WDPCP: variants seen among roughly 807,000 people sequenced by gnomAD.
WDPCP encodes the protein WD repeat containing planar cell polarity effector.
In WDPCP, 71 loss-of-function variants were observed where a neutral mutation model predicts 93.1. The observed-to-expected ratio is 0.76, with a 90% CI of 0.63 to 0.93. The LOEUF is 0.93. WDPCP is among the 40% of genes least tolerant of loss of function. WDPCP has a pLI of 0.00. For synonymous variants in WDPCP, 315 were observed against 315.0 expected (o/e 1.00, Z 0.00); for missense variants, 844 against 887.4 (o/e 0.95, Z 0.62).
intron 1 of WDPCP, among the ~76,000 whole-genome samples, chr2:63,587,569 A>T (rs1320839668): frequency 6.6e-6 from 1 of 152,254 alleles, no homozygotes; most frequent in Non-Finnish European, 1.5e-5. Flanking sequence ...GTTATCTAAT[A>T]GAGATGTTTT....
intron 10 of WDPCP, among the ~76,000 whole-genome samples, chr2:63,391,149 C>A (rs972285613): frequency 3.9e-5 from 6 of 152,210 alleles, no homozygotes; most frequent in African/African-American, 1.4e-4. Context: ...CAATAAAACA[C>A]TGGCAAACCG....
chr2:63,513,986 G>A (rs1003548363), intron 1 of WDPCP, among the ~76,000 whole-genome samples: 2 of 151,876 alleles, frequency 1.3e-5, no homozygotes, highest in African/African-American at 2.4e-5. Context: ...TATAATGGGT[G>A]AGGAAAAGTA....
At chr2:63,475,689 C>G (rs910177685) in intron 6 of WDPCP, among the ~76,000 whole-genome samples, 3 of 152,012 alleles carry the variant, frequency 2.0e-5, no homozygotes, top group Non-Finnish European at 4.4e-5. Flanking sequence ...TAAGTTAAGG[C>G]TTTTTCAGGC....
intron 13 of WDPCP, among the ~76,000 whole-genome samples, chr2:63,271,721 G>A (rs1490085789): frequency 1.3e-5 from 2 of 152,128 alleles, no homozygotes; most frequent in African/African-American, 4.8e-5. Context: ...CACCATTTGA[G>A]GACGTGGGGA....
intron 12 of WDPCP, among the ~76,000 whole-genome samples, chr2:63,351,166 G>A (rs1322469259): frequency 6.6e-6 from 1 of 151,998 alleles, no homozygotes; most frequent in Non-Finnish European, 1.5e-5. Flanking sequence ...ATTTTTAGTA[G>A]AGATGGGGTT....
chr2:63,227,324 T>G (rs1461838266), intron 14 of WDPCP, among the ~76,000 whole-genome samples: 1 of 151,970 alleles, frequency 6.6e-6, no homozygotes, highest in Admixed American at 6.6e-5. Flanking sequence ...ACATTAGTAT[T>G]AAAACCTGTC....
chr2:63,791,561 C>T (rs1013985161), intron 2 of WDPCP, among the ~76,000 whole-genome samples: 2 of 152,070 alleles, frequency 1.3e-5, no homozygotes, highest in Non-Finnish European at 1.5e-5. Flanking sequence ...TATCTTAGAG[C>T]ACTGCTTACT....
chr2:63,444,555 A>T lies in WDPCP; in HGVS notation c.385-4684T>A, dbSNP rs569397497. On this transcript the variant is annotated intron_variant, in intron 6 of 17. Transcript: ENST00000272321. The stretch of plus-strand genomic sequence containing the variant: ...GGTCTATGTAAGATTTGGTAGGACA[A>T]AAAGGAAAAAGAGCACCAAGACAGT... 3.3e-5 allele frequency among the ~76,000 whole-genome samples: 5 copies of T among 152,310 alleles called. No homozygotes were observed. The East Asian group carries it at 9.7e-4, about 29-fold the overall frequency.
chr2:63,227,207 C>G (rs1678363853), intron 14 of WDPCP, among the ~76,000 whole-genome samples: 1 of 151,850 alleles, frequency 6.6e-6, no homozygotes, highest in East Asian at 1.9e-4. Context: ...TTTAAAATGC[C>G]CACTGAATGA....
At chr2:63,533,990 G>C (rs1451626421) in intron 1 of WDPCP, among the ~76,000 whole-genome samples, 1 of 148,436 alleles carries the variant, frequency 6.7e-6, no homozygotes, top group Non-Finnish European at 1.5e-5. Flanking sequence ...AGAAAAGACA[G>C]GAGAATCAAA....
At chr2:63,690,183 G>GC (rs1668870088) in intron 2 of WDPCP, among the ~76,000 whole-genome samples, 1 of 152,174 alleles carries the variant, frequency 6.6e-6, no homozygotes, top group African/African-American at 2.4e-5. Flanking sequence ...CTTCTAACAG[G>GC]TTATTTTAAT....
At chr2:63,723,683 T>C (rs983470367) in intron 2 of WDPCP, among the ~76,000 whole-genome samples, 1 of 152,152 alleles carries the variant, frequency 6.6e-6, no homozygotes, top group African/African-American at 2.4e-5. Flanking sequence ...TGCTGATGAG[T>C]GACACCTCTG....
At chr2:63,761,569 GT>G (rs143518906) in intron 2 of WDPCP, among the ~76,000 whole-genome samples, 1,946 of 152,236 alleles carry the variant, frequency 0.013, 46 homozygotes, top group African/African-American at 0.045. Context: ...GCCAGTCCAA[GT>G]GCCAAAACTG....
At chr2:63,276,907 T>G (rs1409505915) in intron 13 of WDPCP, among the ~76,000 whole-genome samples, 1 of 152,152 alleles carries the variant, frequency 6.6e-6, no homozygotes, top group Non-Finnish European at 1.5e-5. Flanking sequence ...AAAAAGATCA[T>G]TGTTTAGGCA....
At chr2:63,577,007 T>C (rs1017598728) in intron 1 of WDPCP, among the ~76,000 whole-genome samples, 3 of 152,212 alleles carry the variant, frequency 2.0e-5, no homozygotes, top group African/African-American at 4.8e-5. Context: ...GTTTCAAACA[T>C]TCTGAATGTA....
At chr2:63,723,874 G>A (rs1389540437) in intron 2 of WDPCP, among the ~76,000 whole-genome samples, 1 of 152,156 alleles carries the variant, frequency 6.6e-6, no homozygotes, top group Non-Finnish European at 1.5e-5. Flanking sequence ...ATTGACTTCT[G>A]ATAAATTTGT....
At chr2:63,324,881 A>G (rs999441727) in intron 12 of WDPCP, among the ~76,000 whole-genome samples, 2 of 152,216 alleles carry the variant, frequency 1.3e-5, no homozygotes, top group Admixed American at 1.3e-4. Flanking sequence ...TGTCCACCAT[A>G]ACTCAGGGAA....
intron 2 of WDPCP, among the ~76,000 whole-genome samples, chr2:63,675,370 C>T (rs1021062072): frequency 6.6e-6 from 1 of 152,186 alleles, no homozygotes. Context: ...ATACTCTCTC[C>T]ATCTGGGCTT....
chr2:63,698,066 G>A (rs548487688), intron 2 of WDPCP, among the ~76,000 whole-genome samples: 30 of 151,592 alleles, frequency 2.0e-4, no homozygotes, highest in Non-Finnish European at 4.1e-4. Flanking sequence ...AGTGATTCTC[G>A]TGCCTCAGCC....
Sources: gnomAD v4.1 joint callset for allele counts (sites outside exome capture counted in the v4.1 genomes callset) on GRCh38, gnomAD v4.1.1 for gene constraint, MANE v1.5 for transcripts, NCBI Gene and HGNC (gene_info 2026-07-23, HGNC 2026-07-21) for gene names.